The following CCDC171 variants were observed in gnomAD, a reference collection of about 807,000 sequenced individuals.
CCDC171 encodes the protein coiled-coil domain containing 171.
A neutral mutation model predicts 168.2 loss-of-function variants in CCDC171; 177 were observed. That is an observed-to-expected ratio of 1.05 (90% CI 0.93 to 1.19). The LOEUF (loss-of-function observed/expected upper bound fraction) is 1.19, where lower values mean the gene tolerates loss of function less well. CCDC171 is among the 50% of genes most tolerant of loss of function. CCDC171 has a pLI of 0.00. For synonymous variants in CCDC171, 687 were observed against 540.8 expected, an observed-to-expected ratio of 1.27 and a Z score of -3.75; for missense variants, 1,991 against 1,539.0, an observed-to-expected ratio of 1.29 and a Z score of -4.91.
Position 15,642,295 on chromosome 9 carries a change from A to G in CCDC171, c.823-14832A>G, listed in dbSNP as rs1381280904. 2.1e-5 allele frequency among the ~76,000 whole-genome samples: 3 copies of G among 144,658 alleles called. No homozygotes were observed. In the Admixed American group the frequency reaches 2.1e-4, roughly 10 times the overall value. The allele number at this position is 144,658 out of a possible 152,430, so 94.9% of individuals were successfully genotyped here. On this transcript the variant is annotated intron_variant, in intron 7 of 25. Transcript: ENST00000380701. The stretch of plus-strand genomic sequence containing the variant: ...TGAACATATATGTGTGTGTGTATAT[A>G]TATACACATATGTATACACGTATAT...
upstream of CCDC171, among the ~76,000 whole-genome samples, chr9:16,038,055 A>T (rs1833505672): frequency 6.6e-6 from 1 of 152,040 alleles, no homozygotes; most frequent in Admixed American, 6.6e-5. Flanking sequence ...AGCAATGAAG[A>T]TTTTTTTTGT....
At chr9:15,988,715 G>A (rs1479959418) in intron 3 of CCDC171, among the ~76,000 whole-genome samples, 16 of 152,280 alleles carry the variant, frequency 1.1e-4, no homozygotes, top group South Asian at 8.3e-4. Flanking sequence ...ATGGAAAATC[G>A]GGTCACTCCC....
At chr9:16,034,384 A>T (rs181704106) in intron 6 of CCDC171, among the ~76,000 whole-genome samples, 119 of 152,322 alleles carry the variant, frequency 7.8e-4, no homozygotes, top group African/African-American at 2.6e-3. Flanking sequence ...CTTGTACTAG[A>T]ATAATAGTAG....
chr9:16,028,570 G>A (rs1169721337), intron 6 of CCDC171, among the ~76,000 whole-genome samples: 1 of 152,148 alleles, frequency 6.6e-6, no homozygotes, highest in Non-Finnish European at 1.5e-5. Context: ...CTGCACTTTT[G>A]TTAAGTCTGG....
intron 10 of CCDC171, among the ~76,000 whole-genome samples, chr9:15,685,181 A>T (rs2050301255): frequency 6.6e-6 from 1 of 152,242 alleles, no homozygotes; most frequent in African/African-American, 2.4e-5. Context: ...TATGTTAATA[A>T]AAAATTAGAA....
intron 7 of CCDC171, among the ~76,000 whole-genome samples, chr9:15,641,341 GT>G (rs1384862609): frequency 1.3e-5 from 2 of 152,072 alleles, no homozygotes; most frequent in African/African-American, 4.8e-5. Context: ...TCATATCTCA[GT>G]TTTTCTTCTT....
At chr9:15,764,183 ACC>A (rs1193453347) in intron 18 of CCDC171, among the ~76,000 whole-genome samples, 1 of 152,216 alleles carries the variant, frequency 6.6e-6, no homozygotes, top group African/African-American at 2.4e-5. Flanking sequence ...CAGGGTTAAC[ACC>A]TGCACCCACA....
chr9:15,909,572 G>T (rs1395419480), intron 24 of CCDC171, among the ~76,000 whole-genome samples: 1 of 152,156 alleles, frequency 6.6e-6, no homozygotes, highest in Non-Finnish European at 1.5e-5. Context: ...TCAAACTAGA[G>T]TACAATTCCA....
chr9:15,916,977 A>G (rs948505584), intron 24 of CCDC171, among the ~76,000 whole-genome samples: 3 of 151,996 alleles, frequency 2.0e-5, no homozygotes, highest in African/African-American at 4.8e-5. Flanking sequence ...CTTGCTGTAT[A>G]TAATATCATG....
chr9:15,646,483 C>T (rs993289600), intron 7 of CCDC171, among the ~76,000 whole-genome samples: 2 of 152,162 alleles, frequency 1.3e-5, no homozygotes, highest in Non-Finnish European at 2.9e-5. Flanking sequence ...CAAGACCCAT[C>T]AGTGTGCTGT....
chr9:15,687,069 A>T (rs1213669359), intron 10 of CCDC171, among the ~76,000 whole-genome samples: 1 of 152,252 alleles, frequency 6.6e-6, no homozygotes, highest in Non-Finnish European at 1.5e-5. Flanking sequence ...TTCTCTGACC[A>T]TAATGAAATT....
chr9:16,089,513 C>T, the CCDC171 span, among the ~76,000 whole-genome samples: 14 of 151,266 alleles, frequency 9.3e-5, no homozygotes, highest in African/African-American at 1.9e-4. Flanking sequence ...GGTTTTAGGT[C>T]TTATGTTTAA....
chr9:15,887,750 T>C (rs1049688541), intron 24 of CCDC171: 2 of 152,006 alleles, frequency 1.3e-5, no homozygotes, highest in Non-Finnish European at 2.9e-5. Flanking sequence ...TTAGAAATAG[T>C]ATTATTATTT....
chr9:15,584,157 G>A (rs1009071373), intron 4 of CCDC171, among the ~76,000 whole-genome samples: 5 of 152,318 alleles, frequency 3.3e-5, no homozygotes, highest in Admixed American at 2.0e-4. Context: ...GTGAGCCACC[G>A]TGCCCGGCAT....
chr9:16,085,541 C>T, the CCDC171 span, among the ~76,000 whole-genome samples: 7 of 152,170 alleles, frequency 4.6e-5, no homozygotes, highest in South Asian at 4.1e-4. Flanking sequence ...TGCCAGGAAC[C>T]GATGCTGGAG....
the CCDC171 span, among the ~76,000 whole-genome samples, chr9:16,087,870 G>A: frequency 6.6e-6 from 1 of 151,994 alleles, no homozygotes; most frequent in African/African-American, 2.4e-5. Flanking sequence ...GTATGTTTTT[G>A]CAGTGGCTGG....
At chr9:15,879,578 G>A (rs555399091) in intron 24 of CCDC171, among the ~76,000 whole-genome samples, 1 of 151,954 alleles carries the variant, frequency 6.6e-6, no homozygotes, top group African/African-American at 2.4e-5. Flanking sequence ...AACTTCTCTT[G>A]GGCCATACTA....
At chr9:16,002,947 G>A (rs893939539) in intron 3 of CCDC171, among the ~76,000 whole-genome samples, 1 of 152,028 alleles carries the variant, frequency 6.6e-6, no homozygotes, top group African/African-American at 2.4e-5. Context: ...AGATGTAGAT[G>A]GCTATACCGT....
In CCDC171 at chr9:15,729,660, G is replaced by A. The variant is rs1279260686; in HGVS notation, c.1911G>A (p.Glu637=). ...AAAACAAGTCTGACACGATGAGAGAGCTTCAGCAGACTCAGGAAGACACCT... is the reference window on the plus strand; with the variant it reads ...AAAACAAGTCTGACACGATGAGAGAACTTCAGCAGACTCAGGAAGACACCT... ...ICKNKSDTMR[E]LQQTQEDTFT... The change falls in exon 16 of 26, where the codon GAG becomes GAA. Residue 637 remains glutamate (E), a synonymous_variant. Transcript: ENST00000380701. 8.1e-6 allele frequency: 13 copies of A among 1,613,012 alleles called. 1 individual carries two copies. The South Asian group carries it at 1.3e-4, about 16-fold the overall frequency.
Sources: allele counts gnomAD v4.1 joint callset (sites outside exome capture counted in the v4.1 genomes callset), GRCh38; gene constraint gnomAD v4.1.1; transcripts MANE v1.5; gene names NCBI Gene and HGNC (gene_info 2026-07-23, HGNC 2026-07-21).